The following TRAPPC12 variants were observed in gnomAD, a reference collection of about 807,000 sequenced individuals.
TRAPPC12 encodes trafficking protein particle complex subunit 12.
In TRAPPC12, 61 loss-of-function variants were observed where a neutral mutation model predicts 69.2. The ratio of observed to expected loss-of-function variants is 0.88; its 90% CI spans 0.72 to 1.09. The LOEUF (loss-of-function observed/expected upper bound fraction) is 1.09, where lower values mean the gene tolerates loss of function less well. TRAPPC12 is among the 50% of genes least tolerant of loss of function. TRAPPC12 has a pLI of 0.00. For missense variants in TRAPPC12, 1,101 were observed against 1,016.4 expected, an observed-to-expected ratio of 1.08 and a Z score of -1.13; for synonymous variants, 469 against 438.9, an observed-to-expected ratio of 1.07 and a Z score of -0.86.
At chr2:3,451,341 A>G (rs1664839924) in intron 6 of TRAPPC12, among the ~76,000 whole-genome samples, 2 of 152,078 alleles carry the variant, frequency 1.3e-5, no homozygotes, top group African/African-American at 4.8e-5. Context: ...CCTCCACACT[A>G]TGCACAGAGC....
intron 3 of TRAPPC12, among the ~76,000 whole-genome samples, chr2:3,421,346 C>G (rs942050166): frequency 6.6e-6 from 1 of 152,196 alleles, no homozygotes; most frequent in African/African-American, 2.4e-5. Context: ...CATTGCCACA[C>G]GGGCCTGGAA....
In TRAPPC12 at chr2:3,459,121, G is replaced by A. The variant is rs188458234; in HGVS notation, c.1604-1142G>A. On this transcript the variant is annotated intron_variant, in intron 7 of 11. Coordinates refer to ENST00000324266, the MANE Select transcript of TRAPPC12 (RefSeq NM_016030.6). ...CTCACAGTGGACGCTTGGTGCCAGC[G>A]GTGGGTCAGCTTCAGCCTCCTAAAT... is the stretch of plus-strand genomic sequence containing the variant. Among the ~76,000 whole-genome samples the A allele has an allele frequency of 6.6e-5, 10 of 152,288 alleles. No individual in the cohort carries two copies. In the East Asian group the frequency reaches 1.7e-3, roughly 26 times the overall value.
chr2:3,416,522 G>A (rs190150567), intron 3 of TRAPPC12, among the ~76,000 whole-genome samples: 1,832 of 31,592 alleles, frequency 0.058, 83 homozygotes, highest in African/African-American at 0.2. Context: ...CCCTCCCCCT[G>A]CCCCTTCACT....
At chr2:3,387,539 G>C (rs1660548085) in intron 1 of TRAPPC12, 81 bp from the exon 2 acceptor site, 29 of 1,113,924 alleles carry the variant, frequency 2.6e-5, no homozygotes, top group Non-Finnish European at 3.5e-5. Flanking sequence ...TGCGTCATTT[G>C]AATCTATAAG....
intron 5 of TRAPPC12, among the ~76,000 whole-genome samples, chr2:3,439,449 A>G (rs747926294): frequency 1.3e-5 from 2 of 152,136 alleles, no homozygotes; most frequent in Non-Finnish European, 2.9e-5. Flanking sequence ...ACACCTGGCT[A>G]GTTTTTGTAT....
chr2:3,422,091 T>C, intron 4 of TRAPPC12, 97 bp downstream of exon 4: 1 of 874,550 alleles, frequency 1.1e-6, no homozygotes, highest in South Asian at 1.6e-5. Flanking sequence ...ACAAAAAGTA[T>C]GTTTTCATAT....
At chr2:3,457,921 A>G (rs1665254752) in intron 7 of TRAPPC12, 2 of 1,406,236 alleles carry the variant, frequency 1.4e-6, no homozygotes, top group South Asian at 1.6e-5. Flanking sequence ...CCCGGGGAGA[A>G]GACACGCCTT....
chr2:3,460,141 T>A lies in TRAPPC12; in HGVS notation c.1604-122T>A, dbSNP rs1665405253. The A allele has an allele frequency of 7.8e-6, 6 of 766,310 alleles. No homozygotes were observed. In the East Asian group the frequency reaches 1.6e-4, roughly 20 times the overall value. The allele number at this position is 766,310 out of a possible 1,614,324, so 47.5% of individuals were successfully genotyped here. ...GCATATTCAGCATTCCAGGCCGAAA[T>A]CCAGTGGTGTTAACAAGAGGGATCT... On this transcript the variant is annotated intron_variant, in intron 7 of 11. Coordinates refer to ENST00000324266, the MANE Select transcript of TRAPPC12 (RefSeq NM_016030.6).
chr2:3,420,635 G>C (rs898146951), intron 3 of TRAPPC12, among the ~76,000 whole-genome samples: 2 of 152,238 alleles, frequency 1.3e-5, no homozygotes, highest in East Asian at 3.9e-4. Context: ...CCACACCGCC[G>C]CTGTGGCTGG....
chr2:3,416,395 C>T (rs79633584), intron 3 of TRAPPC12, among the ~76,000 whole-genome samples: 1 of 152,122 alleles, frequency 6.6e-6, no homozygotes, highest in Non-Finnish European at 1.5e-5. Context: ...TCCTGTGTGT[C>T]CGCAGGGGCA....
At chr2:3,422,131 A>C in intron 4 of TRAPPC12, 137 bp downstream of exon 4, 3 of 720,236 alleles carry the variant, frequency 4.2e-6, no homozygotes, top group Non-Finnish European at 7.0e-6. Context: ...ATTATATTGT[A>C]TATACTATAC....
chr2:3,413,769 T>G (rs779906854), intron 3 of TRAPPC12, among the ~76,000 whole-genome samples: 2 of 152,202 alleles, frequency 1.3e-5, no homozygotes, highest in Non-Finnish European at 2.9e-5. Flanking sequence ...GATGGGGGTG[T>G]TAGCTAACTC....
intron 5 of TRAPPC12, among the ~76,000 whole-genome samples, chr2:3,433,737 T>G (rs1430049083): frequency 2.0e-5 from 3 of 152,212 alleles, no homozygotes; most frequent in Non-Finnish European, 4.4e-5. Flanking sequence ...GTATTTTCAT[T>G]TAATGTTTTC....
chr2:3,441,658 T>G, intron 5 of TRAPPC12, among the ~76,000 whole-genome samples: 1 of 142,514 alleles, frequency 7.0e-6, no homozygotes, highest in South Asian at 2.2e-4. Flanking sequence ...CAATAATATT[T>G]TTATTATTTT....
chr2:3,390,574 G>A (rs1660766044), intron 2 of TRAPPC12, among the ~76,000 whole-genome samples: 1 of 152,310 alleles, frequency 6.6e-6, no homozygotes, highest in South Asian at 2.1e-4. Context: ...AATGATGCCA[G>A]GGGTTAGGGG....
intron 9 of TRAPPC12, among the ~76,000 whole-genome samples, chr2:3,473,657 G>C (rs1666165912): frequency 6.6e-6 from 1 of 152,120 alleles, no homozygotes. Context: ...TTTTTGTAGA[G>C]AGGGGGTCTT....
Position 3,390,388 on chromosome 2 carries a change from G to A in TRAPPC12, c.1047+1718G>A, listed in dbSNP as rs190810904. Among the ~76,000 whole-genome samples, 4 of 152,310 alleles carry A rather than the reference G, an allele frequency of 2.6e-5. No individual in the cohort carries two copies. The East Asian group carries it at 7.7e-4, about 29-fold the overall frequency. ...CTTTGACCCAGAAATTCCACTCTTAGGAATGTATTGTGAGGACATAATCAT... is the reference window on the plus strand; with the variant it reads ...CTTTGACCCAGAAATTCCACTCTTAAGAATGTATTGTGAGGACATAATCAT... On this transcript the variant is annotated intron_variant, in intron 2 of 11. Transcript: ENST00000324266.
intron 3 of TRAPPC12, among the ~76,000 whole-genome samples, chr2:3,403,719 G>C (rs938395936): frequency 6.6e-6 from 1 of 152,206 alleles, no homozygotes; most frequent in African/African-American, 2.4e-5. Context: ...TCCCAGCTCA[G>C]AGGCAACTGT....
chr2:3,475,697 G>A (rs571178359), intron 9 of TRAPPC12, among the ~76,000 whole-genome samples: 13 of 152,270 alleles, frequency 8.5e-5, no homozygotes, highest in South Asian at 2.1e-4. Flanking sequence ...CTTGCAGTGC[G>A]GAGGATCAGC....
Sources: gnomAD v4.1 joint callset for allele counts (sites outside exome capture counted in the v4.1 genomes callset) on GRCh38, gnomAD v4.1.1 for gene constraint, MANE v1.5 for transcripts, NCBI Gene and HGNC (gene_info 2026-07-23, HGNC 2026-07-21) for gene names.